JAM2: variants seen among roughly 807,000 people sequenced by gnomAD.
The protein encoded by JAM2 is junctional adhesion molecule 2.
JAM2 carries 17 observed loss-of-function variants against 42.0 expected under a neutral mutation model. The observed-to-expected ratio is 0.40, with a 90% confidence interval of 0.28 to 0.61. The LOEUF (loss-of-function observed/expected upper bound fraction) is 0.61, where lower values mean the gene tolerates loss of function less well. Among genes scored for constraint, JAM2 ranks in the 20% least tolerant of loss-of-function variants. JAM2 has a pLI of 0.37. For synonymous variants in JAM2, 118 were observed against 128.6 expected (o/e 0.92, Z 0.56); for missense variants, 319 against 358.3 (o/e 0.89, Z 0.89).
chr21:25,694,129 T>C (rs575174325), intron 4 of JAM2, among the ~76,000 whole-genome samples: 10 of 152,342 alleles, frequency 6.6e-5, no homozygotes, highest in African/African-American at 2.4e-4. Context: ...TATCACAAAG[T>C]ATCTCTTTGT....
chr21:25,647,393 T>A (rs1189439169), intron 1 of JAM2, among the ~76,000 whole-genome samples: 2 of 152,154 alleles, frequency 1.3e-5, no homozygotes, highest in African/African-American at 4.8e-5. Context: ...TCTTTAGAAA[T>A]AAAGATCACA....
At chr21:25,666,597 C>T (rs998927180) in intron 1 of JAM2, among the ~76,000 whole-genome samples, 3 of 152,128 alleles carry the variant, frequency 2.0e-5, no homozygotes, top group African/African-American at 4.8e-5. Flanking sequence ...AATGCAGTGG[C>T]GAGATCACAG....
At chr21:25,674,266 G>A (rs753777638) in intron 1 of JAM2, among the ~76,000 whole-genome samples, 3 of 152,182 alleles carry the variant, frequency 2.0e-5, no homozygotes, top group South Asian at 2.1e-4. Context: ...GTGGTGGCAC[G>A]TGCCTGTGAT....
chr21:25,662,716 T>G (rs946657751), intron 1 of JAM2, among the ~76,000 whole-genome samples: 9 of 152,146 alleles, frequency 5.9e-5, no homozygotes, highest in Non-Finnish European at 4.4e-5. Flanking sequence ...TATTTAAGTA[T>G]ATTTTATATT....
chr21:25,707,403 A>G (rs2034294604), intron 7 of JAM2, among the ~76,000 whole-genome samples: 1 of 152,054 alleles, frequency 6.6e-6, no homozygotes, highest in Non-Finnish European at 1.5e-5. Flanking sequence ...GATCACTTGA[A>G]CCTGGGAGGT....
chr21:25,677,500 G>A (rs549841301), intron 1 of JAM2, among the ~76,000 whole-genome samples: 1 of 152,244 alleles, frequency 6.6e-6, no homozygotes, highest in East Asian at 1.9e-4. Context: ...GTAGAAAACT[G>A]TAATTGAGAA....
intron 7 of JAM2, 68 bp from the exon 8 acceptor site, chr21:25,709,366 T>G (rs2034336588): frequency 1.2e-6 from 1 of 824,506 alleles, no homozygotes; most frequent in South Asian, 2.3e-5. Flanking sequence ...CCCAAACTCA[T>G]TTTTATATGA....
At chr21:25,664,726 ACT>A (rs2033175509) in intron 1 of JAM2, among the ~76,000 whole-genome samples, 1 of 151,468 alleles carries the variant, frequency 6.6e-6, no homozygotes, top group Admixed American at 6.6e-5. Context: ...CTCTTATTCT[ACT>A]CCAGTGTTTC....
rs189639954 is a variant in JAM2 at position 25,664,524 on chromosome 21, G to T, written c.68-19359G>T. On this transcript the variant is annotated intron_variant, in intron 1 of 9. Coordinates refer to ENST00000480456, the MANE Select transcript of JAM2 (RefSeq NM_021219.4). The stretch of plus-strand genomic sequence containing the variant: ...GCTGGGATTACAGGCGTCAGCCACT[G>T]CGCCCAGCCCATGGCTTGCTTTTTA... 1.8e-4 allele frequency among the ~76,000 whole-genome samples: 28 copies of T among 152,238 alleles called. No individual in the cohort carries two copies. In the East Asian group the frequency reaches 5.4e-3, roughly 30 times the overall value.
intron 1 of JAM2, among the ~76,000 whole-genome samples, chr21:25,669,296 G>A (rs764875475): frequency 1.3e-5 from 2 of 151,830 alleles, no homozygotes; most frequent in African/African-American, 2.4e-5. Flanking sequence ...ACCTGAGCCC[G>A]GGGAGGTTGA....
intron 1 of JAM2, among the ~76,000 whole-genome samples, chr21:25,642,048 A>G (rs1434677813): frequency 3.9e-5 from 6 of 152,206 alleles, no homozygotes; most frequent in African/African-American, 1.4e-4. Flanking sequence ...TCCAGGGAAC[A>G]TACCGTACAC....
intron 1 of JAM2, among the ~76,000 whole-genome samples, chr21:25,650,740 T>C (rs1568887666): frequency 6.6e-6 from 1 of 152,196 alleles, no homozygotes; most frequent in Admixed American, 6.5e-5. Context: ...TATAGCCCTA[T>C]ATTATAGTGT....
chr21:25,658,534 AAG>A (rs1048514812), intron 1 of JAM2, among the ~76,000 whole-genome samples: 3 of 152,180 alleles, frequency 2.0e-5, no homozygotes, highest in African/African-American at 7.2e-5. Flanking sequence ...AAGAATATAA[AAG>A]AGCAGAGACA....
Position 25,689,938 on chromosome 21 carries a change from G to A in JAM2, c.206G>A (p.Ser69Asn), listed in dbSNP as rs777004445. The A allele has an allele frequency of 1.2e-6, 2 of 1,613,610 alleles. No individual in the cohort carries two copies. Among genetic ancestry groups the A allele is most frequent in the East Asian group, 2.2e-5 (1 of 44,872 alleles). ...SRLEWKKLGR[S>N]VSFVYYQQTL... is the part of the protein sequence containing the mutation. ...TTAGAGTGGAAGAAACTGGGTCGGA[G>A]TGTCTCCTTTGTCTACTATCAACAG... The change falls in exon 3 of 10, where the codon AGT (serine) becomes AAT (asparagine). Residue 69 changes from serine to asparagine, a missense_variant. Coordinates refer to ENST00000480456, the MANE Select transcript of JAM2 (RefSeq NM_021219.4).
At chr21:25,669,224 T>C (rs775272412) in intron 1 of JAM2, among the ~76,000 whole-genome samples, 8 of 151,558 alleles carry the variant, frequency 5.3e-5, no homozygotes, top group South Asian at 2.1e-4. Flanking sequence ...AATAGAAAAA[T>C]TAGCCAGACA....
Position 25,716,221 on chromosome 21 carries a change from T to C in JAM2, c.*1549T>C. The C allele has an allele frequency of 6.6e-6, 1 of 152,658 alleles. No individual in the cohort carries two copies. The highest frequency in any genetic ancestry group is 1.5e-5 in the Non-Finnish European group (1 of 68,370). 9.5% of individuals were successfully genotyped at this position (152,658 alleles called of 1,614,324 possible). On this transcript the variant is annotated 3_prime_UTR_variant, in exon 10 of 10. Coordinates refer to ENST00000480456, the MANE Select transcript of JAM2 (RefSeq NM_021219.4). ...ATGTTGGCCAGGCTGGTCTCAAACCTCTGACCTCAAATGATCCACCCCCAT... is the reference window on the plus strand; with the variant it reads ...ATGTTGGCCAGGCTGGTCTCAAACCCCTGACCTCAAATGATCCACCCCCAT...
chr21:25,640,513 C>T (rs948959347), intron 1 of JAM2, among the ~76,000 whole-genome samples: 2 of 152,200 alleles, frequency 1.3e-5, no homozygotes, highest in Non-Finnish European at 2.9e-5. Flanking sequence ...GGACATCCAA[C>T]GGGACGATTG....
At chr21:25,668,704 C>T (rs1468243554) in intron 1 of JAM2, among the ~76,000 whole-genome samples, 2 of 152,074 alleles carry the variant, frequency 1.3e-5, no homozygotes, top group African/African-American at 2.4e-5. Context: ...GCAAAGATGT[C>T]CAGAATGGAA....
intron 1 of JAM2, among the ~76,000 whole-genome samples, chr21:25,661,270 A>G (rs1234043697): frequency 6.6e-6 from 1 of 152,100 alleles, no homozygotes; most frequent in African/African-American, 2.4e-5. Context: ...GGACTGGGCA[A>G]CATGGCAAGA....
Sources: allele counts gnomAD v4.1 joint callset (sites outside exome capture counted in the v4.1 genomes callset), GRCh38; gene constraint gnomAD v4.1.1; transcripts MANE v1.5; gene names NCBI Gene and HGNC (gene_info 2026-07-23, HGNC 2026-07-21).